ENTREP2: variants seen among roughly 807,000 people sequenced by gnomAD.
ENTREP2 encodes the protein protein ENTREP2.
At chr15:29,541,493 C>A in the ENTREP2 span, among the ~76,000 whole-genome samples, 8 of 152,086 alleles carry the variant, frequency 5.3e-5, no homozygotes, top group South Asian at 2.1e-4. Flanking sequence ...GGCAGGAATG[C>A]GGGCTGGGAG....
the ENTREP2 span, among the ~76,000 whole-genome samples, chr15:29,447,595 G>A: frequency 1.3e-5 from 2 of 151,492 alleles, no homozygotes; most frequent in Admixed American, 1.3e-4. Flanking sequence ...CTCCTGAGTA[G>A]CTGGGACTAC....
chr15:29,175,018 A>G, the ENTREP2 span, among the ~76,000 whole-genome samples: 1 of 152,190 alleles, frequency 6.6e-6, no homozygotes, highest in African/African-American at 2.4e-5. Context: ...GGTAGTTCAG[A>G]CAGTAATCAG....
At chr15:29,659,614 A>G in the ENTREP2 span, among the ~76,000 whole-genome samples, 198 of 152,332 alleles carry the variant, frequency 1.3e-3, no homozygotes, top group African/African-American at 4.6e-3. Context: ...AAAGGTAACT[A>G]CTATCATACT....
chr15:29,184,942 G>A, the ENTREP2 span, among the ~76,000 whole-genome samples: 1 of 152,176 alleles, frequency 6.6e-6, no homozygotes, highest in African/African-American at 2.4e-5. Flanking sequence ...TGGGTGTGGT[G>A]GTGTGTGGCC....
chr15:29,472,692 T>C, the ENTREP2 span, among the ~76,000 whole-genome samples: 2 of 152,164 alleles, frequency 1.3e-5, no homozygotes, highest in Admixed American at 6.5e-5. Flanking sequence ...CTCTAACTCC[T>C]GACCTCATGT....
At chr15:29,135,217 C>T in the ENTREP2 span, among the ~76,000 whole-genome samples, 4 of 152,058 alleles carry the variant, frequency 2.6e-5, no homozygotes, top group Non-Finnish European at 5.9e-5. The surrounding 1 kb of genome is among the most constrained non-coding windows in gnomAD (Gnocchi z 7.4). Context: ...CCCGAGGCCT[C>T]CAGGACCTCC....
At chr15:29,372,050 T>C in the ENTREP2 span, among the ~76,000 whole-genome samples, 1 of 152,232 alleles carries the variant, frequency 6.6e-6, no homozygotes, top group East Asian at 1.9e-4. Context: ...TAATTCACTA[T>C]GGTCTGTGAT....
the ENTREP2 span, among the ~76,000 whole-genome samples, chr15:29,420,525 A>G: frequency 6.6e-6 from 1 of 152,220 alleles, no homozygotes; most frequent in African/African-American, 2.4e-5. Context: ...TATGCAAAGC[A>G]GTCAGGCTCT....
At chr15:29,426,898 C>T in the ENTREP2 span, among the ~76,000 whole-genome samples, 1 of 152,130 alleles carries the variant, frequency 6.6e-6, no homozygotes, top group Non-Finnish European at 1.5e-5. Context: ...TGGGGCAGTG[C>T]ATTACATACA....
chr15:29,388,833 A>C, the ENTREP2 span, among the ~76,000 whole-genome samples: 1 of 152,088 alleles, frequency 6.6e-6, no homozygotes, highest in African/African-American at 2.4e-5. Context: ...ATGAAGCTGG[A>C]AACCATCATT....
At chr15:29,221,647 G>A in the ENTREP2 span, among the ~76,000 whole-genome samples, 1 of 151,960 alleles carries the variant, frequency 6.6e-6, no homozygotes, top group Non-Finnish European at 1.5e-5. Flanking sequence ...TCTTGCCTTC[G>A]TCTCCTTCTG....
the ENTREP2 span, among the ~76,000 whole-genome samples, chr15:29,235,824 C>T: frequency 1.2e-4 from 18 of 152,098 alleles, no homozygotes; most frequent in South Asian, 3.5e-3. Flanking sequence ...ATTAGCTGGG[C>T]ATGGTGGCGG....
At chr15:29,509,255 CACAA>C in the ENTREP2 span, among the ~76,000 whole-genome samples, 1 of 152,214 alleles carries the variant, frequency 6.6e-6, no homozygotes, top group African/African-American at 2.4e-5. Flanking sequence ...TAAGAGAGGA[CACAA>C]ACAAATAGAA....
At chr15:29,403,343 G>A in the ENTREP2 span, among the ~76,000 whole-genome samples, 1 of 152,102 alleles carries the variant, frequency 6.6e-6, no homozygotes, top group African/African-American at 2.4e-5. Flanking sequence ...GAAGTGGGAA[G>A]GTAGATTGCC....
At chr15:29,268,767 C>T in the ENTREP2 span, 58 of 1,576,424 alleles carry the variant, frequency 3.7e-5, 2 homozygotes, top group South Asian at 6.1e-4. Flanking sequence ...ACCCTTGTCC[C>T]GGGGGTCCCT....
chr15:29,302,257 C>A, the ENTREP2 span, among the ~76,000 whole-genome samples: 1 of 152,114 alleles, frequency 6.6e-6, no homozygotes, highest in East Asian at 1.9e-4. Flanking sequence ...AAAATGCATA[C>A]CAAGATTTTA....
chr15:29,316,265 G>A, the ENTREP2 span, among the ~76,000 whole-genome samples: 39,889 of 151,972 alleles, frequency 0.26, 5,545 homozygotes, highest in Non-Finnish European at 0.31. Context: ...TATATCTCAA[G>A]TGGTTTATTT....
the ENTREP2 span, among the ~76,000 whole-genome samples, chr15:29,306,181 C>T: frequency 6.6e-6 from 1 of 152,222 alleles, no homozygotes; most frequent in Non-Finnish European, 1.5e-5. Context: ...TAGGGTGGTA[C>T]AGGCTGACTG....
the ENTREP2 span, among the ~76,000 whole-genome samples, chr15:29,527,965 A>C: frequency 6.6e-6 from 1 of 152,092 alleles, no homozygotes; most frequent in African/African-American, 2.4e-5. Context: ...ACACCAGTGC[A>C]CCATAACTGA....
Sources: allele counts gnomAD v4.1 joint callset (sites outside exome capture counted in the v4.1 genomes callset), GRCh38; gene constraint gnomAD v4.1.1; non-coding constraint Gnocchi (gnomAD v3.1); transcripts MANE v1.5; gene names NCBI Gene and HGNC (gene_info 2026-07-23, HGNC 2026-07-21).